Variants in BID observed in about 807,000 individuals in gnomAD.
The protein encoded by BID is BH3-interacting domain death agonist.
BID carries 19 observed loss-of-function variants against 17.4 expected under a neutral mutation model. The ratio of observed to expected loss-of-function variants is 1.09; its 90% CI spans 0.76 to 1.60. The LOEUF is 1.60. Among genes scored for constraint, BID ranks in the 40% most tolerant of loss-of-function variants. The pLI is 0.00. For synonymous variants in BID, 108 were observed against 102.8 expected (o/e 1.05, Z -0.31); for missense variants, 226 against 256.0 (o/e 0.88, Z 0.80).
intron 1 of BID, among the ~76,000 whole-genome samples, chr22:17,751,488 T>C (rs1057138258): frequency 6.6e-6 from 1 of 152,128 alleles, no homozygotes; most frequent in Non-Finnish European, 1.5e-5. Flanking sequence ...TGTGTGTGTG[T>C]AGACACAATA....
Position 17,752,964 on chromosome 22 carries a change from C to CTT in BID, c.-58-2792_-58-2791dup, listed in dbSNP as rs34597946. Among the ~76,000 whole-genome samples the CTT allele has an allele frequency of 2.5e-3, 211 of 85,164 alleles. 1 individual carries two copies. Among genetic ancestry groups the CTT allele is most frequent in the East Asian group, 6.3e-3 (16 of 2,546 alleles). 55.9% of individuals were successfully genotyped at this position (85,164 alleles called of 152,430 possible). ...ACAGGCATGAGCCACCGCGCCCAGT[C>CTT]TTTTTTTTTTTTTTTTTTTTGAGAT... On this transcript the variant is annotated intron_variant, in intron 1 of 5. Transcript: ENST00000622694.
At chr22:17,774,077 C>T in intron 1 of BID, 1 of 316,272 alleles carries the variant, frequency 3.2e-6, no homozygotes, top group South Asian at 2.9e-5. Flanking sequence ...CCCCTGAATC[C>T]CCAGGCCACG....
At chr22:17,755,778 C>T (rs905460543) in intron 1 of BID, among the ~76,000 whole-genome samples, 18 of 134,164 alleles carry the variant, frequency 1.3e-4, no homozygotes, top group Non-Finnish European at 2.0e-4. Context: ...ACAGCCTGGG[C>T]GACAAGAGCA....
intron 1 of BID, among the ~76,000 whole-genome samples, chr22:17,760,320 T>C (rs1197886263): frequency 6.6e-6 from 1 of 150,542 alleles, no homozygotes; most frequent in African/African-American, 2.4e-5. Flanking sequence ...GGTGAGGTGA[T>C]GGGCAACTGT....
chr22:17,757,491 A>G (rs1472202260), intron 1 of BID, among the ~76,000 whole-genome samples: 13 of 151,184 alleles, frequency 8.6e-5, no homozygotes, highest in South Asian at 6.3e-4. Context: ...GGCGGATCAC[A>G]AGGTCAGGAG....
intron 1 of BID, among the ~76,000 whole-genome samples, chr22:17,756,423 TCTTTCTTTC>T (rs934895107): frequency 1.7e-4 from 9 of 54,310 alleles, no homozygotes; most frequent in Admixed American, 2.2e-4. Context: ...TTTCTTTCTT[TCTTTCTTTC>T]TTCTTTCTTT....
chr22:17,735,361 A>G lies in BID; in HGVS notation c.*219T>C. ...TGTGGATGATATGAAGGCCATTCAA[A>G]TACGTGTAAATGGACATTTTCATTC... On this transcript the variant is annotated 3_prime_UTR_variant, in exon 6 of 6. Coordinates refer to ENST00000622694, the MANE Select transcript of BID (RefSeq NM_001196.4). The G allele has an allele frequency of 1.7e-6, 1 of 578,576 alleles. No individual in the cohort carries two copies. The highest frequency in any genetic ancestry group is 3.0e-6 in the Non-Finnish European group (1 of 328,508). 35.8% of individuals were successfully genotyped at this position (578,576 alleles called of 1,614,324 possible).
chr22:17,750,209 T>C (rs775200628), intron 1 of BID, 35 bp from the exon 2 acceptor site: 1 of 1,575,110 alleles, frequency 6.3e-7, no homozygotes, highest in Non-Finnish European at 8.7e-7. Context: ...CGGCCGCTCC[T>C]GGGAAGCCCT....
rs1051856569 is a variant in BID, at chr22:17,773,578, G to T, written c.-59+803C>A. The T allele has an allele frequency of 6.2e-7, 1 of 1,610,394 alleles. No individual in the cohort carries two copies. On this transcript the variant is annotated intron_variant, in intron 1 of 5. Transcript: ENST00000622694. The surrounding 1 kb of genome is among the most constrained non-coding windows in gnomAD (Gnocchi z 4.4). ...CTGCCTGCAGGTGAAGGCCGGTCCA[G>T]CCGCAGAAGGCCCAGCCCCCAGCCC...
chr22:17,770,812 G>A (rs543791008), intron 1 of BID, among the ~76,000 whole-genome samples: 20 of 152,290 alleles, frequency 1.3e-4, no homozygotes, highest in African/African-American at 4.3e-4. Context: ...TGCCCCCGGC[G>A]CCAGCATGGC....
rs2061445245 is a variant in BID, at chr22:17,739,723, C to T, written c.224-235G>A. 5.0e-6 allele frequency: 3 copies of T among 595,902 alleles called. No homozygotes were observed. The Middle Eastern group carries it at 1.4e-3, about 270-fold the overall frequency. The allele number at this position is 595,902 out of a possible 1,614,324, so 36.9% of individuals were successfully genotyped here. On this transcript the variant is annotated intron_variant, in intron 3 of 5. Transcript: ENST00000622694. ...CTCGGCTGAGGCCCAGGCTCCCGCA[C>T]ACAGGCACCACGTCCCCACAGGCAG...
At chr22:17,774,533 C>T (rs1267768637), upstream of BID, 2 of 160,704 alleles carry the variant, frequency 1.2e-5, no homozygotes, top group African/African-American at 2.4e-5. Flanking sequence ...CCCGCCCCGG[C>T]CCGCCCCCGG....
rs546868762 is a variant in BID, at chr22:17,773,426, T to A, written c.-59+955A>T. 6.6e-5 allele frequency among the ~76,000 whole-genome samples: 10 copies of A among 152,164 alleles called. No individual in the cohort carries two copies. The South Asian group carries it at 2.1e-3, about 32-fold the overall frequency. On this transcript the variant is annotated intron_variant, in intron 1 of 5. Transcript: ENST00000622694. This position sits in a 1 kb window ranked among gnomAD's most constrained non-coding sequence, Gnocchi z 4.4. ...GGAGATGGAATGTGGAAAAACCGCA[T>A]CCTCTGCAGCTCCCCCACAGTGAGA...
chr22:17,766,567 C>T (rs1366178653), intron 1 of BID, among the ~76,000 whole-genome samples: 2 of 151,792 alleles, frequency 1.3e-5, no homozygotes, highest in Non-Finnish European at 2.9e-5. Flanking sequence ...AGGCGTGAGC[C>T]ACTTCGCGCC....
At chr22:17,768,777 C>T (rs1215149245) in intron 1 of BID, among the ~76,000 whole-genome samples, 1 of 151,060 alleles carries the variant, frequency 6.6e-6, no homozygotes, top group Non-Finnish European at 1.5e-5. Context: ...GAAGCTGAGG[C>T]AGGAGAATGG....
At chr22:17,755,811 A>G (rs939604820) in intron 1 of BID, among the ~76,000 whole-genome samples, 3 of 151,922 alleles carry the variant, frequency 2.0e-5, no homozygotes, top group Non-Finnish European at 4.4e-5. Flanking sequence ...AAAAAAAAAA[A>G]AAAAGAAAAG....
chr22:17,767,488 A>G (rs1467337767), intron 1 of BID, among the ~76,000 whole-genome samples: 3 of 152,212 alleles, frequency 2.0e-5, no homozygotes, highest in African/African-American at 7.2e-5. Flanking sequence ...AAGTCCCTGG[A>G]CCAGGTGTCA....
At chr22:17,759,031 G>A (rs997378557) in intron 1 of BID, among the ~76,000 whole-genome samples, 1 of 152,048 alleles carries the variant, frequency 6.6e-6, no homozygotes, top group Non-Finnish European at 1.5e-5. Context: ...AAGAGATCGA[G>A]ACCATCCTGG....
chr22:17,737,692 T>C (rs1033979818), intron 5 of BID, among the ~76,000 whole-genome samples: 3 of 152,182 alleles, frequency 2.0e-5, no homozygotes, highest in Admixed American at 6.5e-5. Flanking sequence ...GAAAAGCTCA[T>C]TGTGAGCCCT....
Sources: gnomAD v4.1 joint callset for allele counts (sites outside exome capture counted in the v4.1 genomes callset) on GRCh38, gnomAD v4.1.1 for gene constraint, Gnocchi (gnomAD v3.1) non-coding constraint, MANE v1.5 for transcripts, NCBI Gene and HGNC (gene_info 2026-07-23, HGNC 2026-07-21) for gene names.